KCNN3: variants seen among roughly 807,000 people sequenced by gnomAD.
KCNN3 encodes small conductance calcium-activated potassium channel protein 3.
A neutral mutation model predicts 62.9 loss-of-function variants in KCNN3; 16 were observed. That is an observed-to-expected ratio of 0.25 (90% CI 0.17 to 0.39). KCNN3 has a LOEUF of 0.39. Ranked by LOEUF, KCNN3 falls within the 10% of genes least tolerant of loss-of-function variation. The pLI is 1.00. For missense variants in KCNN3, 599 were observed against 949.4 expected, an observed-to-expected ratio of 0.63 and a Z score of 4.85; for synonymous variants, 370 against 389.2, an observed-to-expected ratio of 0.95 and a Z score of 0.58.
At chr1:154,754,192 T>C (rs1305852065) in intron 3 of KCNN3, among the ~76,000 whole-genome samples, 2 of 152,090 alleles carry the variant, frequency 1.3e-5, no homozygotes, top group Non-Finnish European at 2.9e-5. Context: ...TGAAGGTTTT[T>C]GAGGGGTAAT....
rs750750797 is a variant in KCNN3, at chr1:154,869,476, G to C, written c.489C>G (p.His163Gln). 6 of 1,614,002 alleles carry C rather than the reference G, an allele frequency of 3.7e-6. No homozygotes were observed. Among genetic ancestry groups the C allele is most frequent in the African/African-American group, 1.3e-5 (1 of 74,934 alleles). The change falls in exon 1 of 8, where the codon CAC (histidine) becomes CAG (glutamine). Residue 163 changes from histidine to glutamine, a missense_variant. His to Gln is a conservative substitution (Grantham distance 24). Transcript: ENST00000271915. The surrounding 1 kb of genome is among the most constrained non-coding windows in gnomAD (Gnocchi z 6.1). ...CCGTGAAGGGGTTGCTGTCCCGCCGGTGCACCAGGGGGCTGGCCTGTCGGT... is the reference window on the plus strand; with the variant it reads ...CCGTGAAGGGGTTGCTGTCCCGCCGCTGCACCAGGGGGCTGGCCTGTCGGT... ...SRHRQASPLV[H>Q]RRDSNPFTEI...
Position 154,859,395 on chromosome 1 carries a change from G to C in KCNN3, c.933+9637C>G, listed in dbSNP as rs112049595. On this transcript the variant is annotated intron_variant, in intron 1 of 7. Coordinates refer to ENST00000271915, the MANE Select transcript of KCNN3 (RefSeq NM_002249.6). ...GCAGCCCAGGAGCACCCACAGCCAG[G>C]CTGGCCACTTGACCAACCACTAGCA... Among the ~76,000 whole-genome samples the C allele has an allele frequency of 4.5e-4, 69 of 152,350 alleles. 1 individual carries two copies. The highest frequency in any genetic ancestry group is 1.6e-3 in the African/African-American group (68 of 41,586).
At chr1:154,861,035 A>T (rs1346205235) in intron 1 of KCNN3, among the ~76,000 whole-genome samples, 1 of 145,084 alleles carries the variant, frequency 6.9e-6, no homozygotes, top group Non-Finnish European at 1.5e-5. Context: ...GCTCACTGCA[A>T]CCTCCGCCTC....
chr1:154,863,459 T>A (rs1413756570), intron 1 of KCNN3, among the ~76,000 whole-genome samples: 1 of 152,176 alleles, frequency 6.6e-6, no homozygotes, highest in African/African-American at 2.4e-5. Flanking sequence ...TGCCTGTCAC[T>A]GAGCTGAGTA....
At chr1:154,757,081 G>A (rs1276659103) in intron 3 of KCNN3, among the ~76,000 whole-genome samples, 1 of 152,182 alleles carries the variant, frequency 6.6e-6, no homozygotes, top group African/African-American at 2.4e-5. Flanking sequence ...GGCAGAGGAG[G>A]GAGAATGTCC....
At chr1:154,709,140 C>T (rs1230870834) in intron 7 of KCNN3, among the ~76,000 whole-genome samples, 1 of 152,204 alleles carries the variant, frequency 6.6e-6, no homozygotes, top group Non-Finnish European at 1.5e-5. Flanking sequence ...CGGCCGATTA[C>T]CAGTGCTCCT....
intron 1 of KCNN3, among the ~76,000 whole-genome samples, chr1:154,845,790 T>C (rs554670125): frequency 6.6e-6 from 1 of 152,174 alleles, no homozygotes; most frequent in Non-Finnish European, 1.5e-5. Context: ...CAGATCCTTC[T>C]GCATGGGCCC....
chr1:154,835,252 G>T (rs1490466976), intron 1 of KCNN3, among the ~76,000 whole-genome samples: 1 of 152,214 alleles, frequency 6.6e-6, no homozygotes, highest in Non-Finnish European at 1.5e-5. Context: ...AGAGTCCAGT[G>T]TATGCCTGTT....
intron 1 of KCNN3, among the ~76,000 whole-genome samples, chr1:154,861,025 G>T (rs536653155): frequency 2.0e-4 from 29 of 144,972 alleles, no homozygotes; most frequent in Non-Finnish European, 3.9e-4. Context: ...CGCGATCTCG[G>T]CTCACTGCAA....
intron 1 of KCNN3, among the ~76,000 whole-genome samples, chr1:154,860,951 G>GTTTTTTTT (rs761437574): frequency 1.8e-5 from 2 of 112,054 alleles, no homozygotes; most frequent in Non-Finnish European, 1.7e-5. Flanking sequence ...TGCCACCCAA[G>GTTTTTTTT]TTTTTTTTTT....
At chr1:154,750,004 C>T (rs1190417173) in intron 3 of KCNN3, among the ~76,000 whole-genome samples, 1 of 152,178 alleles carries the variant, frequency 6.6e-6, no homozygotes, top group Non-Finnish European at 1.5e-5. Context: ...TGAAGCGTCA[C>T]GAAGTCTGGG....
chr1:154,719,983 G>T (rs1420496554), intron 5 of KCNN3, among the ~76,000 whole-genome samples: 1 of 152,202 alleles, frequency 6.6e-6, no homozygotes, highest in African/African-American at 2.4e-5. Flanking sequence ...GGAGCTTGAG[G>T]TTCTCCCTGT....
Position 154,772,453 on chromosome 1 carries a change from A to T in KCNN3, c.1030-60T>A. The T allele has an allele frequency of 6.4e-7, 1 of 1,569,626 alleles. No individual in the cohort carries two copies. Among genetic ancestry groups the T allele is most frequent in the Non-Finnish European group, 8.7e-7 (1 of 1,146,146 alleles). On this transcript the variant is annotated intron_variant, in intron 2 of 7. Coordinates refer to ENST00000271915, the MANE Select transcript of KCNN3 (RefSeq NM_002249.6). The surrounding 1 kb of genome is among the most constrained non-coding windows in gnomAD (Gnocchi z 5.6). The stretch of plus-strand genomic sequence containing the variant: ...GACCAGGAAGCCCACAGCAGGGTCC[A>T]GGCAGGACAGGTGGGGCAGGCTGGG...
At chr1:154,841,487 G>A (rs1021580634) in intron 1 of KCNN3, among the ~76,000 whole-genome samples, 2 of 152,154 alleles carry the variant, frequency 1.3e-5, no homozygotes, top group Non-Finnish European at 2.9e-5. Flanking sequence ...CCAAAATGAA[G>A]CCAAGTTAGG....
chr1:154,827,368 C>T (rs1360600208), intron 1 of KCNN3, among the ~76,000 whole-genome samples: 1 of 152,198 alleles, frequency 6.6e-6, no homozygotes, highest in Non-Finnish European at 1.5e-5. Context: ...GGCTTCTTTC[C>T]CTCCACATCA....
intron 1 of KCNN3, chr1:154,868,057 T>C: frequency 1.0e-6 from 1 of 985,582 alleles, no homozygotes; most frequent in Non-Finnish European, 1.2e-6. Context: ...CAGTGCCTGC[T>C]GTTCTCCATC....
intron 3 of KCNN3, among the ~76,000 whole-genome samples, chr1:154,734,197 G>A (rs1293014676): frequency 3.3e-5 from 5 of 152,172 alleles, no homozygotes; most frequent in Admixed American, 6.5e-5. Flanking sequence ...GCTGGTGAAG[G>A]TGAGTCCTCT....
chr1:154,782,549 C>T (rs1472042450), intron 2 of KCNN3, among the ~76,000 whole-genome samples: 1 of 152,182 alleles, frequency 6.6e-6, no homozygotes, highest in Non-Finnish European at 1.5e-5. Context: ...CTTATTTAAA[C>T]TTAATTACCT....
Position 154,715,096 on chromosome 1 carries a change from G to A in KCNN3, c.1702-93C>T, listed in dbSNP as rs776716820. 32 of 1,461,010 alleles carry A rather than the reference G, an allele frequency of 2.2e-5. No homozygotes were observed. In the Admixed American group the frequency reaches 3.7e-4, roughly 17 times the overall value. 90.5% of individuals were successfully genotyped at this position (1,461,010 alleles called of 1,614,324 possible). ...ACTGTAGTCTACCTCATAAGGAAACGATTTTGCAATGATCTATTTTCTTAA... is the reference window on the plus strand; with the variant it reads ...ACTGTAGTCTACCTCATAAGGAAACAATTTTGCAATGATCTATTTTCTTAA... On this transcript the variant is annotated intron_variant, in intron 5 of 7. Coordinates refer to ENST00000271915, the MANE Select transcript of KCNN3 (RefSeq NM_002249.6).
Sources: allele counts gnomAD v4.1 joint callset (sites outside exome capture counted in the v4.1 genomes callset), GRCh38; gene constraint gnomAD v4.1.1; non-coding constraint Gnocchi (gnomAD v3.1); transcripts MANE v1.5; gene names NCBI Gene and HGNC (gene_info 2026-07-23, HGNC 2026-07-21).